The following MECOM variants were observed in gnomAD, a reference collection of about 807,000 sequenced individuals.
MECOM encodes the protein MDS1 and EVI1 complex locus.
MECOM carries 13 observed loss-of-function variants against 116.3 expected under a neutral mutation model. The ratio of observed to expected loss-of-function variants is 0.11; its 90% CI spans 0.07 to 0.18. The LOEUF (loss-of-function observed/expected upper bound fraction) is 0.18. MECOM is among the 10% of genes least tolerant of loss of function. The pLI, the probability that MECOM is intolerant of heterozygous loss-of-function variation, is 1.00. For synonymous variants in MECOM, 528 were observed against 535.2 expected (o/e 0.99, Z 0.19); for missense variants, 1,299 against 1,509.0 (o/e 0.86, Z 2.31).
At chr3:169,518,421 A>AT (rs1756961409) in intron 1 of MECOM, among the ~76,000 whole-genome samples, 1 of 151,970 alleles carries the variant, frequency 6.6e-6, no homozygotes, top group Non-Finnish European at 1.5e-5. Flanking sequence ...GTTTAGCAGC[A>AT]TTTTTTCCTG....
chr3:169,404,754 G>A (rs962895307), intron 1 of MECOM, among the ~76,000 whole-genome samples: 1 of 152,174 alleles, frequency 6.6e-6, no homozygotes, highest in Admixed American at 6.5e-5. Flanking sequence ...GTCACCCAGC[G>A]CACAAGTATG....
intron 1 of MECOM, among the ~76,000 whole-genome samples, chr3:169,426,933 C>T (rs1438030519): frequency 2.0e-5 from 3 of 152,076 alleles, no homozygotes; most frequent in Non-Finnish European, 4.4e-5. Flanking sequence ...TGTGACAACC[C>T]TATTAGGTAG....
chr3:169,129,511 C>T (rs1232729037), intron 4 of MECOM, among the ~76,000 whole-genome samples: 1 of 151,686 alleles, frequency 6.6e-6, no homozygotes, highest in Non-Finnish European at 1.5e-5. Context: ...TATACTAAAC[C>T]AGTAACAGTG....
At chr3:169,232,210 C>T (rs1483092278) in intron 2 of MECOM, among the ~76,000 whole-genome samples, 1 of 151,996 alleles carries the variant, frequency 6.6e-6, no homozygotes, top group African/African-American at 2.4e-5. Flanking sequence ...TTGAGATATT[C>T]TAAACTCTGG....
intron 2 of MECOM, among the ~76,000 whole-genome samples, chr3:169,345,451 T>C (rs1357742833): frequency 6.6e-6 from 1 of 152,248 alleles, no homozygotes; most frequent in African/African-American, 2.4e-5. Context: ...TTCATAATAT[T>C]TGCCACAAAT....
At chr3:169,605,931 T>A (rs1288640346) in intron 1 of MECOM, among the ~76,000 whole-genome samples, 1 of 152,146 alleles carries the variant, frequency 6.6e-6, no homozygotes, top group Non-Finnish European at 1.5e-5. Flanking sequence ...TGAAATATCA[T>A]AGACAGAATG....
At chr3:169,129,848 A>G (rs1435932978) in intron 4 of MECOM, among the ~76,000 whole-genome samples, 2 of 152,154 alleles carry the variant, frequency 1.3e-5, no homozygotes, top group African/African-American at 4.8e-5. Context: ...CAGTTTCCCT[A>G]TATGTAAAAT....
At chr3:169,118,941 T>C (rs529362615) in intron 7 of MECOM, among the ~76,000 whole-genome samples, 5 of 152,322 alleles carry the variant, frequency 3.3e-5, no homozygotes, top group South Asian at 2.1e-4. Context: ...ACTGGTTCAA[T>C]TGATGTTGAA....
At chr3:169,632,932 A>G (rs1324544025) in intron 1 of MECOM, among the ~76,000 whole-genome samples, 1 of 152,224 alleles carries the variant, frequency 6.6e-6, no homozygotes, top group Non-Finnish European at 1.5e-5. Context: ...CTCCAACACT[A>G]GGTTCATTGT....
In MECOM at chr3:169,382,879, A is replaced by AAAAAAAAAAAAAGAAG. The variant is rs1358767356; in HGVS notation, c.38-1356_38-1355insCTTCTTTTTTTTTTTT. ...AAAAAAAAAAATAAAAAAAATAAAA[A>AAAAAAAAAAAAAGAAG]AAGAAGGTAAAATGGGTTGCCTCCA... On this transcript the variant is annotated intron_variant, in intron 1 of 16. Transcript: ENST00000651503. Among the ~76,000 whole-genome samples the AAAAAAAAAAAAAGAAG allele has an allele frequency of 2.9e-4, 40 of 138,530 alleles. 2 individuals carry two copies. Among genetic ancestry groups the AAAAAAAAAAAAAGAAG allele is most frequent in the East Asian group, 1.4e-3 (6 of 4,188 alleles). The allele number at this position is 138,530 out of a possible 152,430, so 90.9% of individuals were successfully genotyped here.
chr3:169,161,459 C>G (rs1742835438), intron 2 of MECOM, among the ~76,000 whole-genome samples: 2 of 152,012 alleles, frequency 1.3e-5, no homozygotes, highest in South Asian at 4.2e-4. Flanking sequence ...ATGGACAGAC[C>G]TAAAAGAAGA....
At chr3:169,146,538 A>G (rs1292480652) in intron 2 of MECOM, 1 of 1,377,894 alleles carries the variant, frequency 7.3e-7, no homozygotes, top group African/African-American at 1.5e-5. Context: ...AGGAGGAACA[A>G]GGAAATCGCC....
intron 1 of MECOM, among the ~76,000 whole-genome samples, chr3:169,591,577 G>C (rs1488656668): frequency 6.6e-6 from 1 of 152,132 alleles, no homozygotes; most frequent in East Asian, 1.9e-4. Flanking sequence ...TCTTCTGTCT[G>C]AGTCCAAAGC....
chr3:169,227,780 T>C (rs779274732), intron 2 of MECOM, among the ~76,000 whole-genome samples: 1 of 152,114 alleles, frequency 6.6e-6, no homozygotes, highest in African/African-American at 2.4e-5. Flanking sequence ...ATGACAACAT[T>C]TCAAGAGGCA....
intron 1 of MECOM, chr3:169,389,581 C>T (rs1733914263): frequency 1.0e-6 from 1 of 985,248 alleles, no homozygotes; most frequent in African/African-American, 1.7e-5. Flanking sequence ...GCTTTTTCTT[C>T]ATAAGCTTTC....
intron 2 of MECOM, among the ~76,000 whole-genome samples, chr3:169,189,009 GC>G (rs1747149235): frequency 6.6e-6 from 1 of 151,992 alleles, no homozygotes; most frequent in African/African-American, 2.4e-5. Flanking sequence ...GAATGTATTA[GC>G]CCCAAATTGT....
At chr3:169,239,790 G>C (rs16853362) in intron 2 of MECOM, among the ~76,000 whole-genome samples, 6,322 of 152,216 alleles carry the variant, frequency 0.042, 166 homozygotes, top group African/African-American at 0.067. Context: ...AACAGTTGTA[G>C]ATGCTGTAAA....
intron 2 of MECOM, chr3:169,145,670 G>C (rs1048437847): frequency 2.2e-5 from 5 of 224,430 alleles, no homozygotes; most frequent in African/African-American, 1.1e-4. Context: ...TGGAAAACTT[G>C]TTAATTTCAA....
At position 169,200,442 on chromosome 3, in the gene MECOM, G is replaced by A. The variant is rs549906327; in HGVS notation, c.376-56610C>T. ...TTAATAACAGAAGACACAGTGGGAGGTTTTTTAACAAGATCTAGGTTTGTC... is the reference window on the plus strand; with the variant it reads ...TTAATAACAGAAGACACAGTGGGAGATTTTTTAACAAGATCTAGGTTTGTC... On this transcript the variant is annotated intron_variant, in intron 2 of 16. Coordinates refer to ENST00000651503, the MANE Select transcript of MECOM (RefSeq NM_004991.4). Among the ~76,000 whole-genome samples the A allele has an allele frequency of 2.6e-5, 4 of 152,082 alleles. No homozygotes were observed. In the South Asian group the frequency reaches 8.3e-4, roughly 32 times the overall value.
Sources: allele counts gnomAD v4.1 joint callset (sites outside exome capture counted in the v4.1 genomes callset), GRCh38; gene constraint gnomAD v4.1.1; transcripts MANE v1.5; gene names NCBI Gene and HGNC (gene_info 2026-07-23, HGNC 2026-07-21).